The following RYR3 variants were observed in gnomAD, a reference collection of about 807,000 sequenced individuals.
The protein encoded by RYR3 is brain ryanodine receptor-calcium release channel.
Under a neutral mutation model 584.3 loss-of-function variants are expected in RYR3, and 207 were observed. That is an observed-to-expected ratio of 0.35 (90% CI 0.32 to 0.40). RYR3 has a LOEUF of 0.40. Among genes scored for constraint, RYR3 ranks in the 10% least tolerant of loss-of-function variants. RYR3 has a pLI of 1.00. For synonymous variants in RYR3, 2,416 were observed against 2,248.5 expected, an observed-to-expected ratio of 1.07 and a Z score of -2.11; for missense variants, 5,616 against 6,089.2, an observed-to-expected ratio of 0.92 and a Z score of 2.59.
At chr15:33,437,115 AGAGTGTGTGTGTGTGTGT>A (rs1299505928) in intron 1 of RYR3, among the ~76,000 whole-genome samples, 1 of 111,920 alleles carries the variant, frequency 8.9e-6, no homozygotes, top group African/African-American at 4.3e-5. Flanking sequence ...AGAGAGAGAT[AGAGTGTGTGTGTGTGTGT>A]GTGTGTGTGT....
intron 43 of RYR3, among the ~76,000 whole-genome samples, chr15:33,711,595 ACC>A (rs1196146088): frequency 6.6e-6 from 1 of 152,172 alleles, no homozygotes; most frequent in African/African-American, 2.4e-5. Context: ...CCACCAGGAT[ACC>A]CTAGGTCATC....
intron 18 of RYR3, among the ~76,000 whole-genome samples, chr15:33,604,956 C>T (rs543658961): frequency 6.6e-6 from 1 of 152,170 alleles, no homozygotes; most frequent in South Asian, 2.1e-4. Flanking sequence ...GTTTCACACT[C>T]CTGCTGACTG....
intron 3 of RYR3, among the ~76,000 whole-genome samples, chr15:33,528,821 C>T (rs2054609051): frequency 6.6e-6 from 1 of 152,174 alleles, no homozygotes. Context: ...GTTCTCAAAA[C>T]ATGACACCCC....
intron 98 of RYR3, among the ~76,000 whole-genome samples, chr15:33,855,396 G>A (rs1042779532): frequency 3.9e-5 from 6 of 152,184 alleles, no homozygotes; most frequent in Non-Finnish European, 8.8e-5. Context: ...TAGAGACGGG[G>A]TTTCACCATG....
intron 17 of RYR3, among the ~76,000 whole-genome samples, chr15:33,602,107 C>T (rs773620506): frequency 6.6e-6 from 1 of 152,140 alleles, no homozygotes; most frequent in East Asian, 1.9e-4. Flanking sequence ...GGCAGGTCTG[C>T]GGTTTTGTAG....
intron 38 of RYR3, among the ~76,000 whole-genome samples, chr15:33,676,089 T>C (rs938492699): frequency 6.6e-6 from 1 of 152,136 alleles, no homozygotes; most frequent in African/African-American, 2.4e-5. Context: ...AAATCTCGAT[T>C]ATTGGAGTTG....
chr15:33,794,184 TATAA>T (rs2075400335), intron 67 of RYR3, among the ~76,000 whole-genome samples: 1 of 76,284 alleles, frequency 1.3e-5, no homozygotes, highest in African/African-American at 3.6e-5. Flanking sequence ...ATACATTATA[TATAA>T]ATATATATTA....
Position 33,725,975 on chromosome 15 carries a change from C to CG in RYR3, c.6913-411_6913-410insG, listed in dbSNP as rs1567033770. Among the ~76,000 whole-genome samples, 15 of 10,056 alleles carry CG rather than the reference C, an allele frequency of 1.5e-3. 2 individuals are homozygous for CG. The highest frequency in any genetic ancestry group is 0.026 in the East Asian group (1 of 38). The allele number at this position is 10,056 out of a possible 152,430, so 6.6% of individuals were successfully genotyped here. ...ACAGAGCAAGACTCCATCCCCCCCC[C>CG]CAAAAAAAAAAAAAAAAAAAAACAG... On this transcript the variant is annotated intron_variant, in intron 45 of 103. Coordinates refer to ENST00000634891, the MANE Select transcript of RYR3 (RefSeq NM_001036.6).
rs78785356 is a variant in RYR3, at chr15:33,355,776, G to A, written c.51+44680G>A. The stretch of plus-strand genomic sequence containing the variant: ...CCTGATCCCCTAGCTAGGTATAACC[G>A]GTGCCAATGATATTCATCTTGGGTG... On this transcript the variant is annotated intron_variant, in intron 1 of 103. Coordinates refer to ENST00000634891, the MANE Select transcript of RYR3 (RefSeq NM_001036.6). Among the ~76,000 whole-genome samples, 1,253 of 152,246 alleles carry A rather than the reference G, an allele frequency of 8.2e-3. 23 individuals are homozygous for A. Among genetic ancestry groups the A allele is most frequent in the African/African-American group, 0.028 (1,178 of 41,524 alleles).
intron 1 of RYR3, among the ~76,000 whole-genome samples, chr15:33,403,932 A>G (rs1220525032): frequency 7.1e-6 from 1 of 141,528 alleles, no homozygotes; most frequent in Non-Finnish European, 1.5e-5. Context: ...ATAATTTTAG[A>G]GGAGTGGTAA....
chr15:33,723,948 G>GT, intron 44 of RYR3, 117 bp from the exon 45 acceptor site: 2 of 620,174 alleles, frequency 3.2e-6, no homozygotes, highest in Non-Finnish European at 5.8e-6. Flanking sequence ...GGTTCCAAGG[G>GT]AAAGGATGTA....
At chr15:33,359,372 G>T (rs1041131752) in intron 1 of RYR3, among the ~76,000 whole-genome samples, 4 of 152,024 alleles carry the variant, frequency 2.6e-5, no homozygotes, top group African/African-American at 7.2e-5. Context: ...TTATTTTCCC[G>T]ACTCTTCACC....
chr15:33,382,405 C>A (rs2041262389), intron 1 of RYR3, among the ~76,000 whole-genome samples: 1 of 139,170 alleles, frequency 7.2e-6, no homozygotes, highest in Non-Finnish European at 1.5e-5. Flanking sequence ...CTCACTGCAA[C>A]TTCCGCCTCC....
chr15:33,739,699 A>G, intron 50 of RYR3, 133 bp from the exon 51 acceptor site: 1 of 641,702 alleles, frequency 1.6e-6, no homozygotes. Flanking sequence ...TTAAGGGGTT[A>G]CACATTTCCC....
Position 33,728,884 on chromosome 15 carries a change from C to T in RYR3, c.7061C>T (p.Ala2354Val), listed in dbSNP as rs770979189. The change falls in exon 47 of 104, where the codon GCG becomes GTG. Residue 2354 changes from alanine to valine, a missense_variant. By Grantham distance (64) the Ala-to-Val change is moderately conservative. This residue lies in a region of RYR3 where 1,280 missense variants were observed against 1,426.2 expected (regional missense o/e 0.90). Coordinates refer to ENST00000634891, the MANE Select transcript of RYR3 (RefSeq NM_001036.6). ...KDGSVSEPDM[A>V]ANFCPDHKAP... ...GGGTCGGTCAGTGAGCCAGATATGG[C>T]GGCCAATTTCTGCCCTGACCACAAG... The T allele has an allele frequency of 1.7e-5, 27 of 1,612,354 alleles. No homozygotes were observed. In the Admixed American group the frequency reaches 1.7e-4, roughly 10 times the overall value.
chr15:33,533,324 T>A lies in RYR3; in HGVS notation c.368T>A (p.Leu123Ter). 6.2e-7 allele frequency: 1 copy of A among 1,605,484 alleles called. No individual in the cohort carries two copies. Among genetic ancestry groups the A allele is most frequent in the South Asian group, 1.1e-5 (1 of 88,914 alleles). ...CTTCTTTCACAGTATCTAACATGCT[T>A]GACTACATCAAGATCCCAGACAGAC... ...HSFSGMYLTC[L>*]TTSRSQTDKL... Residue 123 changes from leucine (L) to a stop codon, truncating the protein, a stop_gained, in exon 5 of 104, where the codon TTG becomes TAG. Coordinates refer to ENST00000634891, the MANE Select transcript of RYR3 (RefSeq NM_001036.6). LOFTEE classifies it high-confidence loss of function.
intron 3 of RYR3, among the ~76,000 whole-genome samples, chr15:33,508,907 C>T (rs1347888757): frequency 1.3e-5 from 2 of 152,276 alleles, no homozygotes; most frequent in African/African-American, 4.8e-5. Context: ...GTTACTGCTT[C>T]TTGAAGATGA....
chr15:33,567,196 A>G (rs1454093478), intron 12 of RYR3, among the ~76,000 whole-genome samples: 1 of 152,164 alleles, frequency 6.6e-6, no homozygotes, highest in East Asian at 1.9e-4. Flanking sequence ...AATTGCTGCT[A>G]TGGTTTGGAT....
chr15:33,736,136 G>A, intron 48 of RYR3, 99 bp from the exon 49 acceptor site: 1 of 728,524 alleles, frequency 1.4e-6, no homozygotes, highest in East Asian at 2.8e-5. Flanking sequence ...CTGTTTTGAG[G>A]CTTGGCTGTA....
Sources: allele counts gnomAD v4.1 joint callset (sites outside exome capture counted in the v4.1 genomes callset), GRCh38; gene constraint gnomAD v4.1.1; regional missense constraint gnomAD v4.1.1; transcripts MANE v1.5; gene names NCBI Gene and HGNC (gene_info 2026-07-23, HGNC 2026-07-21).